ACOXL: variants seen among roughly 807,000 people sequenced by gnomAD.
ACOXL encodes the protein acyl-CoA oxidase like, also known as acyl-coenzyme A oxidase-like protein.
A neutral mutation model predicts 71.9 loss-of-function variants in ACOXL; 70 were observed. That is an observed-to-expected ratio of 0.97 (90% confidence interval 0.80 to 1.19). ACOXL has a LOEUF of 1.19. Ranked by LOEUF, ACOXL falls within the 50% of genes most tolerant of loss-of-function variation. The pLI, the probability that ACOXL is intolerant of heterozygous loss-of-function variation, is 0.00. For missense variants in ACOXL, 703 were observed against 736.3 expected (o/e 0.95, Z 0.52); for synonymous variants, 253 against 281.6 (o/e 0.90, Z 1.02).
At chr2:110,967,092 T>C (rs1191429516) in intron 12 of ACOXL, among the ~76,000 whole-genome samples, 1 of 152,218 alleles carries the variant, frequency 6.6e-6, no homozygotes, top group Admixed American at 6.5e-5. Context: ...TGGAATTATC[T>C]GATAAGGATT....
chr2:111,001,989 C>T (rs531964354), intron 14 of ACOXL, among the ~76,000 whole-genome samples: 13 of 152,302 alleles, frequency 8.5e-5, no homozygotes, highest in Admixed American at 5.9e-4. Context: ...CACATTATAT[C>T]GTTGAAATTG....
At chr2:110,859,540 G>A (rs1344368783) in intron 10 of ACOXL, among the ~76,000 whole-genome samples, 1 of 152,214 alleles carries the variant, frequency 6.6e-6, no homozygotes, top group East Asian at 1.9e-4. Context: ...GAAGGAGAAG[G>A]AGGAAAACCA....
rs540108315 is a variant in ACOXL at position 111,090,963 on chromosome 2, G to A, written c.1441-1902G>A. Among the ~76,000 whole-genome samples, 202 of 152,294 alleles carry A rather than the reference G, an allele frequency of 1.3e-3. 2 individuals carry two copies. Among genetic ancestry groups the A allele is most frequent in the African/African-American group, 4.6e-3 (191 of 41,550 alleles). ...ATAACAGCTAGAGCAGTGGTTTGGA[G>A]TCTTTGAAGAGGTCCTTCACATCCC... is the stretch of plus-strand genomic sequence containing the variant. On this transcript the variant is annotated intron_variant, in intron 16 of 17. Coordinates refer to ENST00000439055, the MANE Select transcript of ACOXL (RefSeq NM_001142807.4).
intron 16 of ACOXL, among the ~76,000 whole-genome samples, chr2:111,051,953 T>C (rs898850124): frequency 6.6e-6 from 1 of 151,992 alleles, no homozygotes; most frequent in African/African-American, 2.4e-5. Flanking sequence ...TTGACTCAAG[T>C]CAAAAGCCCC....
chr2:110,835,603 T>C (rs573935648), intron 9 of ACOXL, among the ~76,000 whole-genome samples: 1 of 152,292 alleles, frequency 6.6e-6, no homozygotes. Context: ...CTCGTGGTGA[T>C]CATCATGGTG....
Position 110,963,564 on chromosome 2 carries a change from A to AGT in ACOXL, c.1060-23544_1060-23543insGT. 4 of 1,478,530 alleles carry AGT rather than the reference A, an allele frequency of 2.7e-6. No homozygotes were observed. In the South Asian group the frequency reaches 4.0e-5, roughly 15 times the overall value. The allele number at this position is 1,478,530 out of a possible 1,614,324, so 91.6% of individuals were successfully genotyped here. ...TGTAGTGATGGGATCGCAAATTTGA[A>AGT]ATGTGTGTGTGTGTGTGTGTGTGTG... On this transcript the variant is annotated intron_variant, in intron 12 of 17. Transcript: ENST00000439055.
chr2:110,950,831 G>GAGAGAA (rs888533045), intron 12 of ACOXL, among the ~76,000 whole-genome samples: 17 of 151,818 alleles, frequency 1.1e-4, no homozygotes, highest in African/African-American at 3.6e-4. Context: ...GAGAGAGAGA[G>GAGAGAA]AGAGGGAAGT....
intron 12 of ACOXL, among the ~76,000 whole-genome samples, chr2:110,943,169 G>A (rs1307147354): frequency 2.2e-5 from 3 of 136,038 alleles, no homozygotes; most frequent in Non-Finnish European, 4.8e-5. Flanking sequence ...AAAGAAAAAG[G>A]GAGGGAGGGA....
chr2:111,049,367 A>C (rs1574602977), intron 16 of ACOXL, 79 bp downstream of exon 16: 2 of 1,126,570 alleles, frequency 1.8e-6, no homozygotes, highest in East Asian at 4.9e-5. Flanking sequence ...CATTTTTACA[A>C]GCGGGAGTAA....
intron 16 of ACOXL, among the ~76,000 whole-genome samples, chr2:111,069,092 C>T (rs2067209439): frequency 6.6e-6 from 1 of 151,164 alleles, no homozygotes; most frequent in African/African-American, 2.4e-5. Flanking sequence ...CTCGCTATGT[C>T]CTGGCCTTTT....
chr2:110,823,883 G>A (rs1025034265), intron 9 of ACOXL, among the ~76,000 whole-genome samples: 1 of 152,102 alleles, frequency 6.6e-6, no homozygotes, highest in Non-Finnish European at 1.5e-5. Flanking sequence ...CCTTTGTTAG[G>A]TATGTGTTTT....
intron 1 of ACOXL, among the ~76,000 whole-genome samples, chr2:110,736,135 G>A (rs572056634): frequency 3.3e-4 from 50 of 152,148 alleles, no homozygotes; most frequent in African/African-American, 1.1e-3. Flanking sequence ...TCATGAACAC[G>A]TTCTCACTAG....
At chr2:110,797,592 G>C (rs1287266979) in intron 5 of ACOXL, among the ~76,000 whole-genome samples, 4 of 152,152 alleles carry the variant, frequency 2.6e-5, no homozygotes, top group Non-Finnish European at 5.9e-5. Flanking sequence ...TCAGTTCCCT[G>C]GCTTTCATTT....
At chr2:110,990,548 T>C (rs1237392651) in intron 13 of ACOXL, among the ~76,000 whole-genome samples, 1 of 152,246 alleles carries the variant, frequency 6.6e-6, no homozygotes, top group Non-Finnish European at 1.5e-5. Flanking sequence ...ACAATTTGAA[T>C]AGAAGCCATC....
chr2:110,800,085 A>G (rs1431400100), intron 7 of ACOXL, among the ~76,000 whole-genome samples: 5 of 152,256 alleles, frequency 3.3e-5, no homozygotes, highest in African/African-American at 4.8e-5. Context: ...CCCAGCCAGC[A>G]GTGGCAACCC....
At chr2:110,854,772 T>TG (rs1693041031) in intron 10 of ACOXL, among the ~76,000 whole-genome samples, 1 of 152,284 alleles carries the variant, frequency 6.6e-6, no homozygotes, top group African/African-American at 2.4e-5. Context: ...GAGGGACCAG[T>TG]TTCTATTTTC....
At chr2:110,986,639 T>A (rs762432045) in intron 12 of ACOXL, among the ~76,000 whole-genome samples, 7 of 152,228 alleles carry the variant, frequency 4.6e-5, no homozygotes, top group Non-Finnish European at 8.8e-5. Context: ...AGGCCCAAAT[T>A]ATAACTTTAA....
chr2:110,933,694 TG>T, intron 12 of ACOXL, 52 bp downstream of exon 12: 3 of 1,557,590 alleles, frequency 1.9e-6, no homozygotes, highest in African/African-American at 1.4e-5. Context: ...CAACCCACAC[TG>T]GGGGAGCACT....
chr2:110,911,183 A>G (rs2059637821), intron 11 of ACOXL, among the ~76,000 whole-genome samples: 1 of 152,150 alleles, frequency 6.6e-6, no homozygotes, highest in Admixed American at 6.5e-5. Context: ...AATAAAGAAT[A>G]CATAGAAAAT....
Sources: allele counts gnomAD v4.1 joint callset (sites outside exome capture counted in the v4.1 genomes callset), GRCh38; gene constraint gnomAD v4.1.1; transcripts MANE v1.5; gene names NCBI Gene and HGNC (gene_info 2026-07-23, HGNC 2026-07-21).